The following AFF4 variants were observed in gnomAD, a reference collection of about 807,000 sequenced individuals.
AFF4 encodes ALF transcription elongation factor 4, also known as AF4/FMR2 family member 4.
Under a neutral mutation model 124.8 loss-of-function variants are expected in AFF4, and 13 were observed. That is an observed-to-expected ratio of 0.10 (90% CI 0.07 to 0.17). The LOEUF is 0.17. Ranked by LOEUF, AFF4 falls within the 10% of genes least tolerant of loss-of-function variation. The probability of loss-of-function intolerance (pLI) is 1.00; values close to 1 mark genes in which losing one functional copy is unlikely to be tolerated. For synonymous variants in AFF4, 477 were observed against 496.1 expected, an observed-to-expected ratio of 0.96 and a Z score of 0.51; for missense variants, 1,092 against 1,403.8, an observed-to-expected ratio of 0.78 and a Z score of 3.55.
chr5:132,883,920 T>G (rs961171555), intron 19 of AFF4, among the ~76,000 whole-genome samples: 1 of 152,228 alleles, frequency 6.6e-6, no homozygotes, highest in African/African-American at 2.4e-5. Flanking sequence ...TATACTGTTT[T>G]GTAGAAAGTT....
At chr5:132,912,652 C>T (rs1420444248) in intron 5 of AFF4, among the ~76,000 whole-genome samples, 1 of 151,986 alleles carries the variant, frequency 6.6e-6, no homozygotes. Flanking sequence ...TGAGCCATTG[C>T]GCCCAGCCTA....
chr5:132,952,992 C>T (rs189563349), intron 1 of AFF4, among the ~76,000 whole-genome samples: 3 of 152,098 alleles, frequency 2.0e-5, no homozygotes, highest in Admixed American at 6.6e-5. Context: ...TACAAAACCA[C>T]ACATCCAGGA....
chr5:132,949,728 G>A lies in AFF4; in HGVS notation c.-4-12535C>T, dbSNP rs1004239351. ...CGCGCGCGCGCGCGCCAGGCGTGAG[G>A]GTGAGTGCCCGCAGTCCCGGCTACT... On this transcript the variant is annotated intron_variant, in intron 1 of 20. Coordinates refer to ENST00000265343, the MANE Select transcript of AFF4 (RefSeq NM_014423.4). Among the ~76,000 whole-genome samples, 6 of 151,408 alleles carry A rather than the reference G, an allele frequency of 4.0e-5. No homozygotes were observed. In the East Asian group the frequency reaches 1.2e-3, roughly 29 times the overall value.
intron 1 of AFF4, among the ~76,000 whole-genome samples, chr5:132,954,546 C>CTT (rs1204231856): frequency 0.048 from 5,847 of 122,066 alleles, 362 homozygotes; most frequent in East Asian, 0.24. Context: ...AAACAATGCT[C>CTT]TTTTTTTTTT....
intron 5 of AFF4, among the ~76,000 whole-genome samples, chr5:132,910,991 T>G (rs931445655): frequency 6.6e-6 from 1 of 152,184 alleles, no homozygotes; most frequent in Non-Finnish European, 1.5e-5. Context: ...ACCCATATTC[T>G]CTGCTTCCCT....
chr5:132,936,795 T>C (rs1266308379), intron 2 of AFF4, among the ~76,000 whole-genome samples: 1 of 152,208 alleles, frequency 6.6e-6, no homozygotes. Context: ...GTGCTGGTAA[T>C]GCTCTATTTC....
chr5:132,907,872 G>A (rs1760705403), intron 5 of AFF4, among the ~76,000 whole-genome samples: 1 of 152,028 alleles, frequency 6.6e-6, no homozygotes, highest in Admixed American at 6.6e-5. Flanking sequence ...TGAGATATGA[G>A]ACTGAAGACC....
At position 132,879,570 on chromosome 5, in the gene AFF4, G is replaced by C. The variant is rs1005887799; in HGVS notation, c.*1489C>G. On this transcript the variant is annotated 3_prime_UTR_variant, in exon 21 of 21. Transcript: ENST00000265343. ...TGTAGAAGACCAATCATGTATGGAC[G>C]ATCTGGTCCTAGTGTAAAACTTCAT... 16 of 205,910 alleles carry C rather than the reference G, an allele frequency of 7.8e-5. No individual in the cohort carries two copies. The highest frequency in any genetic ancestry group is 3.6e-4 in the African/African-American group (16 of 44,040). 12.8% of individuals were successfully genotyped at this position (205,910 alleles called of 1,614,324 possible). A position where few individuals can be genotyped will look rare whatever the true frequency, so the allele number is the denominator to read the frequency against.
At chr5:132,921,687 A>C (rs1761051302) in intron 5 of AFF4, among the ~76,000 whole-genome samples, 1 of 151,538 alleles carries the variant, frequency 6.6e-6, no homozygotes, top group Admixed American at 6.6e-5. Flanking sequence ...GGCTGGTCTC[A>C]AATCCCAACC....
chr5:132,943,891 T>C (rs1402344116), intron 1 of AFF4: 4 of 196,796 alleles, frequency 2.0e-5, no homozygotes, highest in Non-Finnish European at 3.4e-5. Context: ...AAAGACGGAT[T>C]GCCATTCTGG....
intron 1 of AFF4, among the ~76,000 whole-genome samples, chr5:132,948,070 G>A (rs1163812110): frequency 6.8e-6 from 1 of 147,562 alleles, no homozygotes; most frequent in Admixed American, 6.8e-5. Flanking sequence ...TTTTTTTTTT[G>A]AGATGGAGTC....
intron 1 of AFF4, among the ~76,000 whole-genome samples, chr5:132,957,350 A>AATT (rs1761987462): frequency 6.6e-6 from 1 of 151,670 alleles, no homozygotes; most frequent in African/African-American, 2.4e-5. Flanking sequence ...AAAAAATAAT[A>AATT]ATTATTATTA....
chr5:132,916,769 A>G (rs1382850671), intron 5 of AFF4, among the ~76,000 whole-genome samples: 2 of 152,178 alleles, frequency 1.3e-5, no homozygotes, highest in Non-Finnish European at 2.9e-5. Flanking sequence ...GGAACAATAC[A>G]GACCAAGATA....
At chr5:132,916,038 A>T (rs906894845) in intron 5 of AFF4, among the ~76,000 whole-genome samples, 6 of 151,876 alleles carry the variant, frequency 4.0e-5, no homozygotes, top group Non-Finnish European at 8.8e-5. Context: ...GTGGATCACG[A>T]GTTCAGGACC....
chr5:132,880,654 TAC>T lies in AFF4; in HGVS notation c.*403_*404del. On this transcript the variant is annotated 3_prime_UTR_variant, in exon 21 of 21. Transcript: ENST00000265343. ...CCCAAGGTATATAAATAAAAATGTC[TAC>T]ATTAAATTTATGCTAAATATTCAAC... The T allele has an allele frequency of 3.2e-6, 1 of 314,266 alleles. No individual in the cohort carries two copies. The highest frequency in any genetic ancestry group is 4.9e-5 in the Admixed American group (1 of 20,350). 19.5% of individuals were successfully genotyped at this position (314,266 alleles called of 1,614,324 possible).
rs560309062 is a variant in AFF4, at chr5:132,877,108, T to C, written c.*3951A>G. Reference sequence around the variant, plus strand: ...GATAGGTGTCTATATGGGTTTGAAATGCTCTGTCTCCCCAAGTTACTTAGG... The same window carrying C: ...GATAGGTGTCTATATGGGTTTGAAACGCTCTGTCTCCCCAAGTTACTTAGG... On this transcript the variant is annotated 3_prime_UTR_variant, in exon 21 of 21. Coordinates refer to ENST00000265343, the MANE Select transcript of AFF4 (RefSeq NM_014423.4). The C allele has an allele frequency of 1.0e-4, 21 of 205,522 alleles. No individual in the cohort carries two copies. The highest frequency in any genetic ancestry group is 4.6e-4 in the African/African-American group (20 of 43,920). 12.7% of individuals were successfully genotyped at this position (205,522 alleles called of 1,614,324 possible). A position where few individuals can be genotyped will look rare whatever the true frequency, so the allele number is the denominator to read the frequency against.
intron 3 of AFF4, 47 bp from the exon 4 acceptor site, chr5:132,932,269 T>C (rs1030356860): frequency 6.6e-7 from 1 of 1,513,222 alleles, no homozygotes. Context: ...AGTAGATTTT[T>C]AGTATTTGCT....
chr5:132,948,221 T>C (rs1372086398), intron 1 of AFF4, among the ~76,000 whole-genome samples: 2 of 152,038 alleles, frequency 1.3e-5, no homozygotes, highest in Non-Finnish European at 2.9e-5. Context: ...TGGCTAATCT[T>C]TTGTATTTTA....
At chr5:132,959,130 T>G in intron 1 of AFF4, among the ~76,000 whole-genome samples, 1 of 115,704 alleles carries the variant, frequency 8.6e-6, no homozygotes, top group South Asian at 2.8e-4. Flanking sequence ...GTTACAGATT[T>G]TTTTTTTTTT....
Sources: allele counts gnomAD v4.1 joint callset (sites outside exome capture counted in the v4.1 genomes callset), GRCh38; gene constraint gnomAD v4.1.1; transcripts MANE v1.5; gene names NCBI Gene and HGNC (gene_info 2026-07-23, HGNC 2026-07-21).